CLSTN2: variants seen among roughly 807,000 people sequenced by gnomAD.
CLSTN2 encodes calsyntenin-2.
In CLSTN2, 48 loss-of-function variants were observed where a neutral mutation model predicts 101.2. The ratio of observed to expected loss-of-function variants is 0.47; its 90% CI spans 0.38 to 0.60. The LOEUF is 0.60. CLSTN2 is among the 20% of genes least tolerant of loss of function. The probability of loss-of-function intolerance (pLI) is 0.00; values close to 1 mark genes in which losing one functional copy is unlikely to be tolerated. For synonymous variants in CLSTN2, 481 were observed against 463.6 expected (o/e 1.04, Z -0.48); for missense variants, 1,160 against 1,238.2 (o/e 0.94, Z 0.95).
chr3:140,528,636 C>CAAAAAAAAAAAAAAAAAA (rs3057900), intron 8 of CLSTN2, among the ~76,000 whole-genome samples: 14 of 148,888 alleles, frequency 9.4e-5, no homozygotes, highest in African/African-American at 3.3e-4. Context: ...GTGCCTCTGA[C>CAAAAAAAAAAAAAAAAAA]AAAAAAAAGA....
At chr3:140,351,971 C>T (rs1022933851) in intron 2 of CLSTN2, among the ~76,000 whole-genome samples, 2 of 152,054 alleles carry the variant, frequency 1.3e-5, no homozygotes, top group Non-Finnish European at 2.9e-5. Context: ...AGGAAATTTA[C>T]CATCTTTTCT....
intron 1 of CLSTN2, among the ~76,000 whole-genome samples, chr3:140,152,810 C>T (rs2009888192): frequency 6.6e-6 from 1 of 152,194 alleles, no homozygotes; most frequent in South Asian, 2.1e-4. Context: ...TACCATTTTT[C>T]CTGCTCCATG....
intron 2 of CLSTN2, among the ~76,000 whole-genome samples, chr3:140,236,737 G>A (rs766852020): frequency 2.7e-5 from 4 of 150,928 alleles, no homozygotes; most frequent in Admixed American, 6.6e-5. Flanking sequence ...TTTCTCCTAT[G>A]GTGTCTAATC....
At chr3:140,088,447 G>C (rs1211359666) in intron 1 of CLSTN2, among the ~76,000 whole-genome samples, 55 of 152,088 alleles carry the variant, frequency 3.6e-4, no homozygotes, top group Non-Finnish European at 2.9e-5. Flanking sequence ...TGAAAGTCTT[G>C]TATTTTTAAT....
intron 9 of CLSTN2, among the ~76,000 whole-genome samples, chr3:140,536,788 G>T (rs1187171690): frequency 6.6e-6 from 1 of 152,166 alleles, no homozygotes; most frequent in East Asian, 1.9e-4. Context: ...ATATGCTATG[G>T]CAGGGAAGTT....
At chr3:140,059,151 T>C (rs1560082384) in intron 1 of CLSTN2, among the ~76,000 whole-genome samples, 1 of 152,258 alleles carries the variant, frequency 6.6e-6, no homozygotes, top group Non-Finnish European at 1.5e-5. Context: ...AACCTCACTG[T>C]GCCTTGGTTT....
chr3:140,429,428 G>A (rs2088605038), intron 5 of CLSTN2, among the ~76,000 whole-genome samples: 1 of 152,140 alleles, frequency 6.6e-6, no homozygotes, highest in Non-Finnish European at 1.5e-5. Context: ...AAAATACTGG[G>A]CTTTAGCACA....
intron 5 of CLSTN2, among the ~76,000 whole-genome samples, chr3:140,435,861 A>G (rs1258806146): frequency 6.6e-6 from 1 of 152,154 alleles, no homozygotes; most frequent in African/African-American, 2.4e-5. Flanking sequence ...TCCCATTTGT[A>G]GGTCTTCTTT....
intron 1 of CLSTN2, among the ~76,000 whole-genome samples, chr3:140,078,422 T>C (rs1360506106): frequency 6.6e-6 from 1 of 152,210 alleles, no homozygotes; most frequent in East Asian, 1.9e-4. Context: ...ATGTGTGATA[T>C]AATGTACTAC....
chr3:140,280,826 C>G (rs1308397194), intron 2 of CLSTN2, among the ~76,000 whole-genome samples: 1 of 152,230 alleles, frequency 6.6e-6, no homozygotes, highest in South Asian at 2.1e-4. Context: ...GAAGAACTTG[C>G]CTGGGGTCAG....
chr3:140,249,045 C>G (rs1165260493), intron 2 of CLSTN2, among the ~76,000 whole-genome samples: 1 of 152,104 alleles, frequency 6.6e-6, no homozygotes, highest in Non-Finnish European at 1.5e-5. Flanking sequence ...TGTAGGGTCT[C>G]TGTTTTTTTG....
intron 1 of CLSTN2, among the ~76,000 whole-genome samples, chr3:140,096,296 T>C (rs1157310500): frequency 1.3e-5 from 2 of 152,218 alleles, no homozygotes; most frequent in East Asian, 3.9e-4. Flanking sequence ...TTCTATCTAA[T>C]GCAAATCATG....
rs550027469 is a variant in CLSTN2 at position 140,415,865 on chromosome 3, G to T, written c.638-5260G>T. Among the ~76,000 whole-genome samples, 4 of 152,270 alleles carry T rather than the reference G, an allele frequency of 2.6e-5. No individual in the cohort carries two copies. In the South Asian group the frequency reaches 6.2e-4, roughly 24 times the overall value. ...ACTTTGGGGTATGTATCCATAGGGG[G>T]AAAATAATCCAGTATCTTGAAGAGA... On this transcript the variant is annotated intron_variant, in intron 4 of 16. Transcript: ENST00000458420.
chr3:140,346,010 G>A (rs1444140538), intron 2 of CLSTN2, among the ~76,000 whole-genome samples: 1 of 152,146 alleles, frequency 6.6e-6, no homozygotes, highest in Non-Finnish European at 1.5e-5. Flanking sequence ...CCCATGCTGG[G>A]TCTCCATCCA....
At chr3:140,205,627 C>CCCCG (rs1156442987) in intron 2 of CLSTN2, among the ~76,000 whole-genome samples, 1 of 111,516 alleles carries the variant, frequency 9.0e-6, no homozygotes, top group Non-Finnish European at 1.9e-5. Flanking sequence ...CGCCCCCCAC[C>CCCCG]CACACACACA....
At chr3:140,180,562 A>T (rs1284801168) in intron 2 of CLSTN2, among the ~76,000 whole-genome samples, 5 of 152,204 alleles carry the variant, frequency 3.3e-5, no homozygotes, top group Non-Finnish European at 5.9e-5. Flanking sequence ...GCACACCATG[A>T]ACTTATTAAT....
intron 1 of CLSTN2, among the ~76,000 whole-genome samples, chr3:140,014,518 C>G (rs1371085687): frequency 6.6e-6 from 1 of 152,068 alleles, no homozygotes; most frequent in East Asian, 1.9e-4. Flanking sequence ...TGTACCCAGC[C>G]AGGATGCAAT....
chr3:140,051,381 T>G (rs962285166), intron 1 of CLSTN2, among the ~76,000 whole-genome samples: 2 of 152,202 alleles, frequency 1.3e-5, no homozygotes, highest in Non-Finnish European at 2.9e-5. Flanking sequence ...TTAAAATCAT[T>G]GCTGAAACCC....
At chr3:140,125,441 A>G (rs544612887) in intron 1 of CLSTN2, among the ~76,000 whole-genome samples, 8 of 152,082 alleles carry the variant, frequency 5.3e-5, no homozygotes, top group Non-Finnish European at 1.2e-4. Flanking sequence ...CTACCAAGAT[A>G]AAGTGGGAAG....
Sources: allele counts gnomAD v4.1 joint callset (sites outside exome capture counted in the v4.1 genomes callset), GRCh38; gene constraint gnomAD v4.1.1; transcripts MANE v1.5; gene names NCBI Gene and HGNC (gene_info 2026-07-23, HGNC 2026-07-21).